NCOA2: variants seen among roughly 807,000 people sequenced by gnomAD.
NCOA2 encodes the protein nuclear receptor coactivator 2, also known as class E basic helix-loop-helix protein 75.
NCOA2 carries 21 observed loss-of-function variants against 145.1 expected under a neutral mutation model. The observed-to-expected ratio is 0.14, with a 90% CI of 0.10 to 0.21. The LOEUF (loss-of-function observed/expected upper bound fraction) is 0.21. Among genes scored for constraint, NCOA2 ranks in the 10% least tolerant of loss-of-function variants. NCOA2 has a pLI of 1.00. For missense variants in NCOA2, 1,472 were observed against 1,837.6 expected (o/e 0.80, Z 3.64); for synonymous variants, 619 against 637.5 (o/e 0.97, Z 0.44).
At chr8:70,423,160 C>G in the NCOA2 span, among the ~76,000 whole-genome samples, 1 of 152,060 alleles carries the variant, frequency 6.6e-6, no homozygotes, top group Non-Finnish European at 1.5e-5. Context: ...TTTATACTTT[C>G]TTTTTTTCTT....
intron 6 of NCOA2, among the ~76,000 whole-genome samples, chr8:70,169,377 G>A (rs1474511233): frequency 6.6e-6 from 1 of 152,240 alleles, no homozygotes. Context: ...CTGCAAGACC[G>A]AAGAGCCCAT....
intron 4 of NCOA2, among the ~76,000 whole-genome samples, chr8:70,211,868 T>G (rs897099457): frequency 1.1e-4 from 16 of 152,294 alleles, no homozygotes; most frequent in Admixed American, 7.2e-4. Context: ...AGCAGGAACA[T>G]TATTAGAAGA....
the NCOA2 span, among the ~76,000 whole-genome samples, chr8:70,428,370 G>A: frequency 3.9e-5 from 6 of 152,190 alleles, no homozygotes; most frequent in Admixed American, 3.3e-4. Context: ...TGAGGCGGGA[G>A]GATCCCTTGA....
intron 2 of NCOA2, among the ~76,000 whole-genome samples, chr8:70,265,525 AAC>A (rs1485810187): frequency 2.0e-5 from 3 of 152,250 alleles, no homozygotes; most frequent in Non-Finnish European, 4.4e-5. Context: ...TCTCAATTAG[AAC>A]ACACTAATAA....
At chr8:70,138,022 C>T (rs1809941540) in intron 15 of NCOA2, 181 bp downstream of exon 15, 1 of 466,338 alleles carries the variant, frequency 2.1e-6, no homozygotes, top group African/African-American at 2.0e-5. Context: ...TTTGTAACTC[C>T]TTTAAAGGTA....
rs1363837075 is a variant in NCOA2 at position 70,111,119 on chromosome 8, G to A, written c.*2513C>T. ...ATCCATTACCTGATTGAAACCGTAA[G>A]AGAATTTATCATCTCTTTTCCTTCA... On this transcript the variant is annotated 3_prime_UTR_variant, in exon 23 of 23. Transcript: ENST00000452400. 4.5e-6 allele frequency: 1 copy of A among 220,210 alleles called. No homozygotes were observed. The highest frequency in any genetic ancestry group is 9.1e-6 in the Non-Finnish European group (1 of 109,994). The allele number at this position is 220,210 out of a possible 1,614,324, so 13.6% of individuals were successfully genotyped here. A position where few individuals can be genotyped will look rare whatever the true frequency, so the allele number is the denominator to read the frequency against.
intron 2 of NCOA2, among the ~76,000 whole-genome samples, chr8:70,233,356 CA>C (rs1249631080): frequency 6.6e-6 from 1 of 152,122 alleles, no homozygotes; most frequent in African/African-American, 2.4e-5. Flanking sequence ...CTAAATGAAA[CA>C]AATGATTATA....
chr8:70,408,240 A>G (rs918480511), upstream of NCOA2, among the ~76,000 whole-genome samples: 4 of 152,228 alleles, frequency 2.6e-5, no homozygotes, highest in African/African-American at 9.6e-5. Flanking sequence ...AGGTGAAACC[A>G]AACTTATTCA....
chr8:70,116,140 T>A (rs557309206), intron 22 of NCOA2, among the ~76,000 whole-genome samples: 1 of 142,024 alleles, frequency 7.0e-6, no homozygotes, highest in Admixed American at 7.2e-5. Flanking sequence ...TGAGCCGAGA[T>A]TGCGCCACTG....
intron 1 of NCOA2, among the ~76,000 whole-genome samples, chr8:70,346,755 G>A (rs1005026218): frequency 2.6e-5 from 4 of 152,156 alleles, no homozygotes; most frequent in Non-Finnish European, 5.9e-5. Context: ...TAGCTAACAA[G>A]TACTCAAGCT....
At chr8:70,179,745 T>C (rs919996740) in intron 4 of NCOA2, among the ~76,000 whole-genome samples, 2 of 152,160 alleles carry the variant, frequency 1.3e-5, no homozygotes, top group African/African-American at 2.4e-5. Context: ...AACTCAACAG[T>C]AGAAAGCTCG....
the NCOA2 span, among the ~76,000 whole-genome samples, chr8:70,436,230 A>G: frequency 6.6e-6 from 1 of 152,312 alleles, no homozygotes; most frequent in Admixed American, 6.5e-5. Flanking sequence ...GATTATTTGT[A>G]AGCATTACCA....
chr8:70,206,344 CT>C (rs1818440262), intron 4 of NCOA2, among the ~76,000 whole-genome samples: 1 of 152,254 alleles, frequency 6.6e-6, no homozygotes, highest in African/African-American at 2.4e-5. Flanking sequence ...TCATTTCCCC[CT>C]CTTCATTTCC....
chr8:70,165,129 C>T (rs1813465900), intron 7 of NCOA2, among the ~76,000 whole-genome samples: 1 of 152,080 alleles, frequency 6.6e-6, no homozygotes, highest in Non-Finnish European at 1.5e-5. Context: ...TTTATACTGC[C>T]TTGGAATATT....
chr8:70,175,419 C>G (rs1346312856), intron 4 of NCOA2, among the ~76,000 whole-genome samples: 1 of 152,242 alleles, frequency 6.6e-6, no homozygotes, highest in Non-Finnish European at 1.5e-5. Context: ...GTTCAAAGTG[C>G]TTCTCCATCT....
rs1439414649 is a variant in NCOA2 at position 70,112,781 on chromosome 8, G to A, written c.*851C>T. 4.8e-6 allele frequency: 1 copy of A among 209,924 alleles called. No homozygotes were observed. Among genetic ancestry groups the A allele is most frequent in the Non-Finnish European group, 9.7e-6 (1 of 103,486 alleles). The allele number at this position is 209,924 out of a possible 1,614,324, so 13.0% of individuals were successfully genotyped here. ...AATGAAAATAGGGAGTATGGGGAAT[G>A]AGAGAGGGGAAGGGAAGAGTCAGGC... On this transcript the variant is annotated 3_prime_UTR_variant, in exon 23 of 23. Transcript: ENST00000452400.
intron 2 of NCOA2, among the ~76,000 whole-genome samples, chr8:70,291,871 G>A (rs1304388359): frequency 6.6e-6 from 1 of 151,970 alleles, no homozygotes; most frequent in Non-Finnish European, 1.5e-5. Flanking sequence ...AGGCCGAGGC[G>A]GGCGGATCAC....
chr8:70,126,775 A>C (rs1808464293), intron 19 of NCOA2, 38 bp downstream of exon 19: 1 of 1,546,158 alleles, frequency 6.5e-7, no homozygotes, highest in South Asian at 1.1e-5. Context: ...CTGGGGAGAA[A>C]GGACTGGTGA....
chr8:70,388,594 T>C (rs915591892), intron 1 of NCOA2, among the ~76,000 whole-genome samples: 1 of 152,248 alleles, frequency 6.6e-6, no homozygotes, highest in African/African-American at 2.4e-5. Context: ...TCTTCGAGGA[T>C]AGGAACATTT....
Sources: gnomAD v4.1 joint callset for allele counts (sites outside exome capture counted in the v4.1 genomes callset) on GRCh38, gnomAD v4.1.1 for gene constraint, MANE v1.5 for transcripts, NCBI Gene and HGNC (gene_info 2026-07-23, HGNC 2026-07-21) for gene names.